The following CORO7 variants were observed in gnomAD, a reference collection of about 807,000 sequenced individuals.
CORO7 encodes coronin 7, also known as coronin-7.
A neutral mutation model predicts 126.6 loss-of-function variants in CORO7; 107 were observed. The ratio of observed to expected loss-of-function variants is 0.85; its 90% CI spans 0.72 to 0.99. The LOEUF (loss-of-function observed/expected upper bound fraction) is 0.99. Ranked by LOEUF, CORO7 falls within the 50% of genes least tolerant of loss-of-function variation. CORO7 has a pLI of 0.00. For missense variants in CORO7, 1,314 were observed against 1,255.8 expected (o/e 1.05, Z -0.70); for synonymous variants, 603 against 536.8 (o/e 1.12, Z -1.70).
chr16:4,389,767 G>C (rs1458126380), intron 7 of CORO7, among the ~76,000 whole-genome samples: 1 of 152,232 alleles, frequency 6.6e-6, no homozygotes, highest in Admixed American at 6.5e-5. Flanking sequence ...ACCCGGAGAG[G>C]GTCACAGTGT....
rs142581030 is a variant in CORO7, at chr16:4,380,988, C to T, written c.785+6998G>A. On this transcript the variant is annotated intron_variant, in intron 9 of 27. Coordinates refer to ENST00000251166, the MANE Select transcript of CORO7 (RefSeq NM_024535.5). ...AGTGCAGCCAGCCACAGACAGTCTT[C>T]TGCACTGCCCGCCAGGGGACCACGG... is the stretch of plus-strand genomic sequence containing the variant. 76 of 1,607,778 alleles carry T rather than the reference C, an allele frequency of 4.7e-5. No individual in the cohort carries two copies. In the African/African-American group the frequency reaches 9.1e-4, roughly 19 times the overall value.
At chr16:4,415,616 A>G in intron 1 of CORO7, 1 of 652,842 alleles carries the variant, frequency 1.5e-6, no homozygotes, top group Non-Finnish European at 1.9e-6. Flanking sequence ...CAAAAACGGA[A>G]CCTCTACCCA....
Position 4,359,741 on chromosome 16 carries a change from C to T in CORO7, c.2109-120G>A, listed in dbSNP as rs183731329. ...GTTGTAGGCGAGGCCTAGTGTGGCC[C>T]GGCACCGCAGCCACATCCTAACCTG... is the stretch of plus-strand genomic sequence containing the variant. On this transcript the variant is annotated intron_variant, in intron 21 of 27. Transcript: ENST00000251166. 2.7e-4 allele frequency: 353 copies of T among 1,314,302 alleles called. No individual in the cohort carries two copies. The African/African-American group carries it at 3.0e-3, about 11-fold the overall frequency. 81.4% of individuals were successfully genotyped at this position (1,314,302 alleles called of 1,614,324 possible). A position where few individuals can be genotyped will look rare whatever the true frequency, so the allele number is the denominator to read the frequency against.
intron 9 of CORO7, chr16:4,382,526 G>A (rs2055026307): frequency 6.3e-7 from 1 of 1,593,454 alleles, no homozygotes; most frequent in Non-Finnish European, 8.5e-7. Flanking sequence ...GAGGAGGCCT[G>A]CGGGGAGGCC....
intron 9 of CORO7, among the ~76,000 whole-genome samples, chr16:4,377,858 G>A (rs187131621): frequency 1.8e-4 from 28 of 152,262 alleles, no homozygotes; most frequent in African/African-American, 4.8e-4. Flanking sequence ...GCTGGCTGCC[G>A]CCTGCTGGAT....
chr16:4,393,509 G>A (rs1166632866), intron 7 of CORO7, among the ~76,000 whole-genome samples: 1 of 152,204 alleles, frequency 6.6e-6, no homozygotes, highest in Non-Finnish European at 1.5e-5. Flanking sequence ...CTGGACAAAA[G>A]TGGAACTGAC....
At chr16:4,393,927 C>T (rs1596321642) in intron 7 of CORO7, among the ~76,000 whole-genome samples, 1 of 150,652 alleles carries the variant, frequency 6.6e-6, no homozygotes, top group Non-Finnish European at 1.5e-5. Flanking sequence ...GGTGAAACCC[C>T]GTCTCCACTA....
chr16:4,362,703 C>T lies in CORO7; in HGVS notation c.1311G>A (p.Ser437=), dbSNP rs769374019. The T allele has an allele frequency of 1.4e-5, 20 of 1,450,336 alleles. No individual in the cohort carries two copies. The highest frequency in any genetic ancestry group is 4.5e-5 in the South Asian group (3 of 67,256). 89.8% of individuals were successfully genotyped at this position (1,450,336 alleles called of 1,614,324 possible). Residue 437 remains serine, a synonymous_variant, in exon 15 of 28, where the codon TCG becomes TCA. Coordinates refer to ENST00000251166, the MANE Select transcript of CORO7 (RefSeq NM_024535.5). This position sits in a 1 kb window ranked among gnomAD's most constrained non-coding sequence, Gnocchi z 5.3. ...GFSSPPSSLT[S]PSTPSSLGPS... ...GCCCCAGGCTGGAGGGCGTGGAGGG[C>T]GAGGTCAGCGAACTGGGAGGGGAAG...
intron 6 of CORO7, among the ~76,000 whole-genome samples, chr16:4,396,972 C>T (rs2055615541): frequency 7.0e-6 from 1 of 142,096 alleles, no homozygotes; most frequent in Admixed American, 7.2e-5. Flanking sequence ...GCTGAGATTG[C>T]ACCACTGCAC....
intron 3 of CORO7, among the ~76,000 whole-genome samples, chr16:4,410,999 TG>T (rs1245503870): frequency 3.9e-5 from 6 of 152,262 alleles, no homozygotes; most frequent in Admixed American, 3.9e-4. Context: ...GAGGTGGAAA[TG>T]GATTAACTGC....
intron 9 of CORO7, among the ~76,000 whole-genome samples, chr16:4,375,529 C>A (rs1403697337): frequency 6.6e-6 from 1 of 152,196 alleles, no homozygotes; most frequent in Admixed American, 6.5e-5. Context: ...GCTCTGTCAC[C>A]CAGGCTGGAG....
intron 16 of CORO7, 77 bp from the exon 17 acceptor site, chr16:4,361,546 G>C: frequency 6.6e-7 from 1 of 1,516,914 alleles, no homozygotes; most frequent in Non-Finnish European, 9.0e-7. Flanking sequence ...CGGGCAAGCA[G>C]CATGTCTGGG....
rs545964993 is a variant in CORO7 at position 4,413,318 on chromosome 16, G to T, written c.147C>A (p.Ser49=). 6.3e-7 allele frequency: 1 copy of T among 1,579,780 alleles called. No homozygotes were observed. Among genetic ancestry groups the T allele is most frequent in the Non-Finnish European group, 8.6e-7 (1 of 1,161,626 alleles). The change falls in exon 2 of 28, where the codon TCC becomes TCA. Residue 49 remains serine (S), a synonymous_variant. Coordinates refer to ENST00000251166, the MANE Select transcript of CORO7 (RefSeq NM_024535.5). ...ATGGCCATTCCCTACCAGGACGGTC[G>T]GAGTTGAAGGCGATCAAGCTGCAGC... ...KSSCSLIAFN[S]DRPGVLGIVP... is the part of the protein sequence containing the mutation.
At position 4,395,288 on chromosome 16, in the gene CORO7, C is replaced by G; in HGVS notation, c.615+1G>C. 2 of 1,614,080 alleles carry G rather than the reference C, an allele frequency of 1.2e-6. No individual in the cohort carries two copies. Among genetic ancestry groups the G allele is most frequent in the Non-Finnish European group, 1.7e-6 (2 of 1,180,014 alleles). ...CACCCCAGCTTGCCCACACAACTCA[C>G]CTGAGAGGCCCGCGGCTTTGTTCTG... is the stretch of plus-strand genomic sequence containing the variant. On this transcript the variant is annotated splice_donor_variant, in intron 7 of 27. Coordinates refer to ENST00000251166, the MANE Select transcript of CORO7 (RefSeq NM_024535.5). LOFTEE classifies it high-confidence loss of function.
In CORO7 at chr16:4,358,001, G is replaced by C; in HGVS notation, c.2560C>G (p.Leu854Val). ...ATGTCAGGAGGCTGCAGGCTGAGAA[G>C]CCAGGGCTGCCCATTAGCGCCTTGC... is the stretch of plus-strand genomic sequence containing the variant. ...WLQGANGQPW[L>V]LSLQPPDMSP... The change falls in exon 25 of 28, where the codon CTT (leucine) becomes GTT (valine). Residue 854 changes from leucine (L) to valine (V), a missense_variant. Physicochemically the swap from Leu to Val is conservative, Grantham distance 32. Coordinates refer to ENST00000251166, the MANE Select transcript of CORO7 (RefSeq NM_024535.5). The C allele has an allele frequency of 6.2e-7, 1 of 1,611,620 alleles. No homozygotes were observed. Among genetic ancestry groups the C allele is most frequent in the Non-Finnish European group, 8.5e-7 (1 of 1,178,252 alleles).
chr16:4,370,786 T>G (rs8182173), intron 9 of CORO7, among the ~76,000 whole-genome samples: 1 of 152,026 alleles, frequency 6.6e-6, no homozygotes. Context: ...CCAGCTGGTG[T>G]GGCCCAGCCT....
At chr16:4,355,232 G>C (rs1343773584) in intron 27 of CORO7, 54 bp downstream of exon 27, 3 of 1,605,344 alleles carry the variant, frequency 1.9e-6, no homozygotes, top group Non-Finnish European at 2.6e-6. Context: ...ATGCACCGTG[G>C]CATGTGCGAG....
In CORO7 at chr16:4,397,010, A is replaced by C. The variant is rs186917560; in HGVS notation, c.565-1671T>G. Among the ~76,000 whole-genome samples, 456 of 143,008 alleles carry C rather than the reference A, an allele frequency of 3.2e-3. 4 individuals carry two copies. The highest frequency in any genetic ancestry group is 0.012 in the African/African-American group (434 of 37,486). 93.8% of individuals were successfully genotyped at this position (143,008 alleles called of 152,430 possible). On this transcript the variant is annotated intron_variant, in intron 6 of 27. Transcript: ENST00000251166. ...CAGCCTGGGCAACAGAGTGAGACTC[A>C]ATCTCAAAAAAAAAAAAAAAGAAAG...
rs896758502 is a variant in CORO7, at chr16:4,362,646, G to A, written c.1368C>T (p.Thr456=). The part of the protein sequence containing the change: ...PSLSSTSGIG[T]SPSLRSLQSL... ...TCTGCAGCGACCTCAAACTGGGGCTGGTCCCGATGCCACTGGTGCTGGAGA... is the reference window on the plus strand; with the variant it reads ...TCTGCAGCGACCTCAAACTGGGGCTAGTCCCGATGCCACTGGTGCTGGAGA... Residue 456 remains threonine, a synonymous_variant, in exon 15 of 28, where the codon ACC becomes ACT. Coordinates refer to ENST00000251166, the MANE Select transcript of CORO7 (RefSeq NM_024535.5). This position sits in a 1 kb window ranked among gnomAD's most constrained non-coding sequence, Gnocchi z 5.3. 6.4e-7 allele frequency: 1 copy of A among 1,557,880 alleles called. No homozygotes were observed. The highest frequency in any genetic ancestry group is 8.7e-7 in the Non-Finnish European group (1 of 1,154,862).
Sources: allele counts gnomAD v4.1 joint callset (sites outside exome capture counted in the v4.1 genomes callset), GRCh38; gene constraint gnomAD v4.1.1; non-coding constraint Gnocchi (gnomAD v3.1); transcripts MANE v1.5; gene names NCBI Gene and HGNC (gene_info 2026-07-23, HGNC 2026-07-21).